The following CHID1 variants were observed in gnomAD, a reference collection of about 807,000 sequenced individuals.
The protein encoded by CHID1 is chitinase domain-containing protein 1.
A neutral mutation model predicts 55.4 loss-of-function variants in CHID1; 44 were observed. The ratio of observed to expected loss-of-function variants is 0.79; its 90% CI spans 0.62 to 1.02. The LOEUF is 1.02. Among genes scored for constraint, CHID1 ranks in the 50% least tolerant of loss-of-function variants. The pLI, the probability that CHID1 is intolerant of heterozygous loss-of-function variation, is 0.00. For synonymous variants in CHID1, 216 were observed against 212.9 expected, an observed-to-expected ratio of 1.01 and a Z score of -0.13; for missense variants, 491 against 515.3, an observed-to-expected ratio of 0.95 and a Z score of 0.46.
intron 8 of CHID1, among the ~76,000 whole-genome samples, chr11:888,975 C>G (rs150149123): frequency 3.1e-4 from 47 of 152,332 alleles, no homozygotes; most frequent in Non-Finnish European, 5.6e-4. Flanking sequence ...GCGCTCTGCT[C>G]TTCCCGGGCT....
intron 10 of CHID1, among the ~76,000 whole-genome samples, chr11:879,552 G>C (rs1211765932): frequency 5.8e-5 from 2 of 34,392 alleles, no homozygotes; most frequent in African/African-American, 3.4e-4. Flanking sequence ...ACCAGCTGAG[G>C]AGAGAGGTCC....
chr11:896,078 ACCCGCAGCCTCCACCCCAGACACAACGAG>A (rs1357220261), intron 7 of CHID1, among the ~76,000 whole-genome samples: 8 of 150,844 alleles, frequency 5.3e-5, no homozygotes, highest in Admixed American at 6.6e-5. Flanking sequence ...CCGTCTCAGC[ACCCGCAGCCTCCACCCCAGACACAACGAG>A]CCTGTCTCAG....
intron 1 of CHID1, among the ~76,000 whole-genome samples, chr11:909,379 G>A (rs1468177985): frequency 3.9e-5 from 6 of 152,218 alleles, no homozygotes; most frequent in Admixed American, 6.5e-5. Flanking sequence ...CACAGGCCCC[G>A]ACCCTGGTCA....
rs968105487 is a variant in CHID1 at position 868,105 on chromosome 11, A to G, written c.*1753T>C. On this transcript the variant is annotated 3_prime_UTR_variant, in exon 13 of 13. Transcript: ENST00000323578. ...GCATCCCCACCCCTGCCTCCACCCA[A>G]TGCTGATCTGGCAATGCCTAGCTCC... is the stretch of plus-strand genomic sequence containing the variant. The G allele has an allele frequency of 4.6e-5, 7 of 151,754 alleles. No homozygotes were observed. Among genetic ancestry groups the G allele is most frequent in the African/African-American group, 1.2e-4 (5 of 41,250 alleles). The allele number at this position is 151,754 out of a possible 1,614,324, so 9.4% of individuals were successfully genotyped here. A position where few individuals can be genotyped will look rare whatever the true frequency, so the allele number is the denominator to read the frequency against.
intron 11 of CHID1, 21 bp downstream of exon 11, chr11:870,398 C>G: frequency 6.3e-7 from 1 of 1,591,614 alleles, no homozygotes; most frequent in Non-Finnish European, 8.6e-7. Context: ...CAAGGTGGGC[C>G]ACGCACTTCA....
At position 883,187 on chromosome 11, in the gene CHID1, G is replaced by A. The variant is rs768941590; in HGVS notation, c.920C>T (p.Ala307Val). 95 of 1,613,914 alleles carry A rather than the reference G, an allele frequency of 5.9e-5. No individual in the cohort carries two copies. The highest frequency in any genetic ancestry group is 1.0e-4 in the Admixed American group (6 of 59,998). ...AGGCTCACGGGCATCCTTGGAGGTC[G>A]CGTAGTCCATACCATAGAAGTTGAG... ...LGLNFYGMDY[A>V]TSKDAREPVV... The change falls in exon 10 of 13, where the codon GCG (alanine) becomes GTG (valine). Residue 307 changes from alanine to valine, a missense_variant. By Grantham distance (64) the Ala-to-Val change is moderately conservative. Transcript: ENST00000323578.
intron 7 of CHID1, among the ~76,000 whole-genome samples, chr11:898,804 A>G (rs1425794165): frequency 6.6e-6 from 1 of 152,176 alleles, no homozygotes; most frequent in African/African-American, 2.4e-5. Flanking sequence ...TGATGTGGCA[A>G]AAGGAGGCGT....
chr11:901,062 C>T, intron 4 of CHID1, 82 bp from the exon 5 acceptor site: 1 of 1,341,382 alleles, frequency 7.5e-7, no homozygotes, highest in Non-Finnish European at 1.0e-6. Context: ...GAAAACGTGG[C>T]AGCCGCACAA....
At chr11:898,893 G>A (rs1163834095) in intron 7 of CHID1, among the ~76,000 whole-genome samples, 2 of 152,298 alleles carry the variant, frequency 1.3e-5, no homozygotes, top group East Asian at 1.9e-4. Context: ...CCCAGAGGCC[G>A]CCATGGCGGT....
chr11:878,853 A>AT (rs890444828), intron 10 of CHID1, among the ~76,000 whole-genome samples: 19 of 143,442 alleles, frequency 1.3e-4, no homozygotes, highest in Admixed American at 2.8e-4. Context: ...CACCCGGCTA[A>AT]TTTTTTTTTT....
At chr11:914,124 G>C (rs568343902), upstream of CHID1, among the ~76,000 whole-genome samples, 3 of 151,968 alleles carry the variant, frequency 2.0e-5, no homozygotes, top group South Asian at 6.2e-4. Context: ...AATAATAGGG[G>C]GTTTGTAAAA....
chr11:906,768 C>T (rs1852251275), intron 1 of CHID1, among the ~76,000 whole-genome samples: 2 of 152,174 alleles, frequency 1.3e-5, no homozygotes, highest in South Asian at 2.1e-4. Flanking sequence ...GGGGCTCACG[C>T]CTGTAATCAC....
intron 12 of CHID1, 33 bp downstream of exon 12, chr11:870,088 C>A (rs773470775): frequency 1.9e-6 from 3 of 1,612,022 alleles, no homozygotes; most frequent in Admixed American, 1.7e-5. Flanking sequence ...TGGCCCACCC[C>A]TCCCCCGGTC....
rs540988569 is a variant in CHID1 at position 875,628 on chromosome 11, G to T, written c.960-5129C>A. On this transcript the variant is annotated intron_variant, in intron 10 of 12. Transcript: ENST00000323578. This position sits in a 1 kb window ranked among gnomAD's most constrained non-coding sequence, Gnocchi z 4.7. ...TGCTGAAACTCTTAGCGCCACATGAGGCCGAGGGAGTCAAGTCCTGGGGTG... is the reference window on the plus strand; with the variant it reads ...TGCTGAAACTCTTAGCGCCACATGATGCCGAGGGAGTCAAGTCCTGGGGTG... Among the ~76,000 whole-genome samples the T allele has an allele frequency of 2.6e-5, 4 of 152,132 alleles. No individual in the cohort carries two copies. Among genetic ancestry groups the T allele is most frequent in the Non-Finnish European group, 2.9e-5 (2 of 68,026 alleles).
At chr11:915,144 G>A (rs191511736), upstream of CHID1, 1 of 153,000 alleles carries the variant, frequency 6.5e-6, no homozygotes, top group Non-Finnish European at 1.5e-5. Flanking sequence ...GCAAGCAGGA[G>A]GGGGAAGTGG....
At chr11:882,476 G>A (rs1589837758) in intron 10 of CHID1, 1 of 152,252 alleles carries the variant, frequency 6.6e-6, no homozygotes, top group Non-Finnish European at 1.5e-5. Context: ...TTCCAAGTTT[G>A]CTAAGAGTAC....
intron 7 of CHID1, among the ~76,000 whole-genome samples, chr11:897,655 C>A (rs568574241): frequency 1.3e-5 from 2 of 152,344 alleles, no homozygotes; most frequent in African/African-American, 4.8e-5. Flanking sequence ...TCCTTACCCC[C>A]ACTGCAGTGC....
chr11:913,672 C>A (rs1852811614), upstream of CHID1, among the ~76,000 whole-genome samples: 1 of 151,660 alleles, frequency 6.6e-6, no homozygotes, highest in Non-Finnish European at 1.5e-5. Flanking sequence ...ACTTGGGATG[C>A]TGAGGCATGA....
At chr11:909,836 C>A (rs1406403958) in intron 1 of CHID1, among the ~76,000 whole-genome samples, 1 of 152,094 alleles carries the variant, frequency 6.6e-6, no homozygotes, top group East Asian at 1.9e-4. Flanking sequence ...TTCTGCCGGG[C>A]AGATCACCCC....
Sources: allele counts gnomAD v4.1 joint callset (sites outside exome capture counted in the v4.1 genomes callset), GRCh38; gene constraint gnomAD v4.1.1; non-coding constraint Gnocchi (gnomAD v3.1); transcripts MANE v1.5; gene names NCBI Gene and HGNC (gene_info 2026-07-23, HGNC 2026-07-21).